Variants in SCHIP1 observed in about 807,000 individuals in gnomAD.
SCHIP1 encodes the protein schwannomin interacting protein 1.
SCHIP1 carries 8 observed loss-of-function variants against 29.7 expected under a neutral mutation model. The ratio of observed to expected loss-of-function variants is 0.27; its 90% confidence interval spans 0.16 to 0.49. The LOEUF (loss-of-function observed/expected upper bound fraction) is 0.49. Ranked by LOEUF, SCHIP1 falls within the 20% of genes least tolerant of loss-of-function variation. The pLI is 0.99. For synonymous variants in SCHIP1, 76 were observed against 94.9 expected (o/e 0.80, Z 1.16); for missense variants, 193 against 294.6 (o/e 0.66, Z 2.52).
chr3:159,539,144 C>T, the SCHIP1 span, among the ~76,000 whole-genome samples: 18 of 152,178 alleles, frequency 1.2e-4, no homozygotes, highest in African/African-American at 4.3e-4. Flanking sequence ...TATTAGAGAA[C>T]GCAGTGCCCA....
At chr3:159,299,356 G>A in the SCHIP1 span, among the ~76,000 whole-genome samples, 6 of 152,104 alleles carry the variant, frequency 3.9e-5, no homozygotes, top group Non-Finnish European at 7.3e-5. Context: ...AATGTGAATA[G>A]GAAGTCTATA....
At chr3:159,477,153 A>G in the SCHIP1 span, among the ~76,000 whole-genome samples, 1 of 152,190 alleles carries the variant, frequency 6.6e-6, no homozygotes, top group Non-Finnish European at 1.5e-5. Context: ...ATAGTGTTCC[A>G]TAGTGTATAT....
At chr3:159,344,544 C>A in the SCHIP1 span, among the ~76,000 whole-genome samples, 4 of 152,280 alleles carry the variant, frequency 2.6e-5, no homozygotes, top group Admixed American at 2.6e-4. Flanking sequence ...CACACAATCC[C>A]AGTCTAATCA....
the SCHIP1 span, among the ~76,000 whole-genome samples, chr3:159,467,820 T>C: frequency 6.6e-6 from 1 of 152,264 alleles, no homozygotes; most frequent in Non-Finnish European, 1.5e-5. Flanking sequence ...TATTATGGAA[T>C]GTTGAACTAA....
chr3:159,746,102 G>T, the SCHIP1 span, among the ~76,000 whole-genome samples: 1 of 152,170 alleles, frequency 6.6e-6, no homozygotes, highest in African/African-American at 2.4e-5. Context: ...ATACAATTAC[G>T]TAAATGCTTG....
the SCHIP1 span, among the ~76,000 whole-genome samples, chr3:159,324,330 A>T: frequency 6.6e-6 from 1 of 152,202 alleles, no homozygotes; most frequent in Middle Eastern, 3.2e-3. Flanking sequence ...TGTTTTGACC[A>T]ATTACAAAAT....
At chr3:159,300,331 A>C in the SCHIP1 span, among the ~76,000 whole-genome samples, 2 of 151,622 alleles carry the variant, frequency 1.3e-5, no homozygotes, top group African/African-American at 4.8e-5. Context: ...ATGAAATCTC[A>C]CTATGTTGCC....
chr3:159,289,995 C>T, the SCHIP1 span, among the ~76,000 whole-genome samples: 2 of 152,214 alleles, frequency 1.3e-5, no homozygotes, highest in Admixed American at 6.5e-5. Flanking sequence ...AACGAAGCTA[C>T]ACTAAGCAGT....
chr3:159,325,607 C>T, the SCHIP1 span, among the ~76,000 whole-genome samples: 5 of 152,126 alleles, frequency 3.3e-5, no homozygotes, highest in African/African-American at 1.2e-4. Context: ...ATAAATACAT[C>T]AATTTATGTG....
chr3:159,363,975 T>A, the SCHIP1 span, among the ~76,000 whole-genome samples: 2,609 of 152,330 alleles, frequency 0.017, 72 homozygotes, highest in African/African-American at 0.06. Flanking sequence ...TGAATTTCTT[T>A]GGACAAAGCA....
chr3:159,489,902 T>C, the SCHIP1 span, among the ~76,000 whole-genome samples: 1 of 152,062 alleles, frequency 6.6e-6, no homozygotes, highest in African/African-American at 2.4e-5. Flanking sequence ...TATATTTTTA[T>C]ATGTATGTAA....
At chr3:159,374,539 A>T in the SCHIP1 span, among the ~76,000 whole-genome samples, 1 of 152,188 alleles carries the variant, frequency 6.6e-6, no homozygotes, top group Non-Finnish European at 1.5e-5. Context: ...CAGTAAGGTT[A>T]TTAGTCATAC....
chr3:159,321,649 G>A, the SCHIP1 span, among the ~76,000 whole-genome samples: 220 of 151,948 alleles, frequency 1.4e-3, no homozygotes, highest in Non-Finnish European at 1.9e-3. Flanking sequence ...TGTGCCATGC[G>A]GGCAGAAACT....
chr3:159,845,877 G>A (rs1039179653), intron 1 of SCHIP1: 2 of 152,226 alleles, frequency 1.3e-5, no homozygotes, highest in Non-Finnish European at 2.9e-5. Context: ...TTGTAACAAG[G>A]AGTTGGTGAA....
the SCHIP1 span, among the ~76,000 whole-genome samples, chr3:159,407,995 C>T: frequency 6.6e-6 from 1 of 152,082 alleles, no homozygotes; most frequent in African/African-American, 2.4e-5. Flanking sequence ...GCAAAGCAAA[C>T]CCAAAATTAG....
chr3:159,705,464 G>A, the SCHIP1 span, among the ~76,000 whole-genome samples: 1 of 151,998 alleles, frequency 6.6e-6, no homozygotes, highest in Admixed American at 6.6e-5. Flanking sequence ...TCATAACATA[G>A]AAATAGAAAG....
chr3:159,652,213 A>G, the SCHIP1 span, among the ~76,000 whole-genome samples: 7 of 152,210 alleles, frequency 4.6e-5, no homozygotes, highest in African/African-American at 1.7e-4. Flanking sequence ...GATTTGTTAG[A>G]ACACCTTCAA....
At chr3:159,851,987 T>C (rs1712707104) in intron 1 of SCHIP1, among the ~76,000 whole-genome samples, 1 of 152,220 alleles carries the variant, frequency 6.6e-6, no homozygotes, top group South Asian at 2.1e-4. Context: ...AAAGGGAAGA[T>C]TTCACTTTGG....
At chr3:159,298,964 C>T in the SCHIP1 span, among the ~76,000 whole-genome samples, 7 of 152,142 alleles carry the variant, frequency 4.6e-5, no homozygotes, top group Non-Finnish European at 8.8e-5. Flanking sequence ...TAAAGCCTCT[C>T]CTCTCTGTAC....
Sources: allele counts gnomAD v4.1 joint callset (sites outside exome capture counted in the v4.1 genomes callset), GRCh38; gene constraint gnomAD v4.1.1; transcripts MANE v1.5; gene names NCBI Gene and HGNC (gene_info 2026-07-23, HGNC 2026-07-21).